Variants in FRMD4B observed in about 807,000 individuals in gnomAD.
The protein encoded by FRMD4B is FERM domain containing 4B.
Under a neutral mutation model 141.5 loss-of-function variants are expected in FRMD4B, and 74 were observed. That is an observed-to-expected ratio of 0.52 (90% confidence interval 0.43 to 0.63). The LOEUF is 0.63. Ranked by LOEUF, FRMD4B falls within the 30% of genes least tolerant of loss-of-function variation. The pLI, the probability that FRMD4B is intolerant of heterozygous loss-of-function variation, is 0.00. For synonymous variants in FRMD4B, 506 were observed against 467.9 expected (o/e 1.08, Z -1.05); for missense variants, 1,366 against 1,253.4 (o/e 1.09, Z -1.36).
At chr3:69,540,636 AATATAT>A (rs1553652110) in intron 1 of FRMD4B, among the ~76,000 whole-genome samples, 17 of 69,528 alleles carry the variant, frequency 2.4e-4, no homozygotes, top group East Asian at 4.1e-4. Context: ...AAAAAAAAAA[AATATAT>A]ATATATATAT....
Position 69,216,323 on chromosome 3 carries a change from A to T in FRMD4B, c.816T>A (p.Leu272=), listed in dbSNP as rs1403146616. Reference sequence around the variant, plus strand: ...GGCCAATTCCCTTATAGCTTATTCCAAGCCACCAAGGAAGTCCTTGCTTAT... The same window carrying T: ...GGCCAATTCCCTTATAGCTTATTCCTAGCCACCAAGGAAGTCCTTGCTTAT... The part of the protein sequence containing the change: ...VKDKQGLPWW[L]GISYKGIGQY... The change falls in exon 11 of 23, where the codon CTT becomes CTA. Residue 272 remains leucine (L), a synonymous_variant. Transcript: ENST00000398540. 1 of 1,571,528 alleles carries T rather than the reference A, an allele frequency of 6.4e-7. No individual in the cohort carries two copies.
At chr3:69,291,011 C>T (rs915641761) in intron 4 of FRMD4B, among the ~76,000 whole-genome samples, 2 of 152,180 alleles carry the variant, frequency 1.3e-5, no homozygotes, top group Non-Finnish European at 1.5e-5. Flanking sequence ...AAAATGTTAA[C>T]ATATATAGAA....
chr3:69,352,109 A>T (rs2128973), intron 1 of FRMD4B, among the ~76,000 whole-genome samples: 151,114 of 152,272 alleles, frequency 0.99, 74,995 homozygotes, highest in East Asian at 1. Flanking sequence ...CTGGGAATAT[A>T]TTAGGCCCTC....
chr3:69,520,029 A>C (rs1441393452), intron 1 of FRMD4B, among the ~76,000 whole-genome samples: 2 of 96,220 alleles, frequency 2.1e-5, no homozygotes, highest in African/African-American at 5.5e-5. Flanking sequence ...TATATATTCC[A>C]TCATATATAT....
chr3:69,266,989 C>G (rs2093565173), intron 5 of FRMD4B, among the ~76,000 whole-genome samples: 1 of 152,182 alleles, frequency 6.6e-6, no homozygotes, highest in South Asian at 2.1e-4. Context: ...GTGTTCGTGC[C>G]ATGAGAAAAT....
chr3:69,283,965 CAAAACAAAACAAAA>C (rs2093655499), intron 5 of FRMD4B, among the ~76,000 whole-genome samples: 1 of 90,518 alleles, frequency 1.1e-5, no homozygotes, highest in African/African-American at 4.1e-5. Flanking sequence ...AAAAACAAAA[CAAAACAAAACAAAA>C]AAAACAAAAA....
upstream of FRMD4B, among the ~76,000 whole-genome samples, chr3:69,389,704 C>T (rs963361372): frequency 1.3e-5 from 2 of 152,142 alleles, no homozygotes; most frequent in African/African-American, 4.8e-5. Flanking sequence ...TTCCTCCACT[C>T]CAGGGACTGC....
intron 1 of FRMD4B, among the ~76,000 whole-genome samples, chr3:69,522,306 A>T (rs533937318): frequency 6.6e-6 from 1 of 152,256 alleles, no homozygotes; most frequent in African/African-American, 2.4e-5. Context: ...GAGTCAGCCA[A>T]GCCTGGGGGT....
chr3:69,239,348 T>TACATTTTTGTCAGA (rs2093366413), intron 7 of FRMD4B, among the ~76,000 whole-genome samples: 6 of 152,256 alleles, frequency 3.9e-5, no homozygotes, highest in Admixed American at 2.6e-4. Context: ...TGGCCTAACT[T>TACATTTTTGTCAGA]GTAACAGGGG....
At chr3:69,214,816 C>T (rs1361209273) in intron 11 of FRMD4B, among the ~76,000 whole-genome samples, 1 of 152,082 alleles carries the variant, frequency 6.6e-6, no homozygotes, top group Non-Finnish European at 1.5e-5. Context: ...GACCTGTGAT[C>T]AGGCCACTGC....
intron 1 of FRMD4B, among the ~76,000 whole-genome samples, chr3:69,371,798 G>A (rs1412957639): frequency 1.3e-5 from 2 of 152,202 alleles, no homozygotes; most frequent in African/African-American, 4.8e-5. Flanking sequence ...TACAAAGTAC[G>A]CTCTGAGAGG....
chr3:69,316,136 A>G (rs1324362990), intron 1 of FRMD4B, among the ~76,000 whole-genome samples: 1 of 152,228 alleles, frequency 6.6e-6, no homozygotes, highest in Non-Finnish European at 1.5e-5. Context: ...TCTGAAAACT[A>G]GCTCAGCTGG....
chr3:69,294,023 C>T (rs908219980), intron 4 of FRMD4B, among the ~76,000 whole-genome samples: 11 of 151,600 alleles, frequency 7.3e-5, no homozygotes, highest in African/African-American at 2.7e-4. Flanking sequence ...TCAGTTTCAA[C>T]TTTTCTCCCT....
At position 69,367,798 on chromosome 3, in the gene FRMD4B, T is replaced by C. The variant is rs368443460; in HGVS notation, c.162+18030A>G. ...TTGCACGTGCGCCATTACATGAGAATGTCCTTAGGAGGATTTCCTGAAATG... is the reference window on the plus strand; with the variant it reads ...TTGCACGTGCGCCATTACATGAGAACGTCCTTAGGAGGATTTCCTGAAATG... On this transcript the variant is annotated intron_variant, in intron 1 of 22. Transcript: ENST00000398540. Among the ~76,000 whole-genome samples the C allele has an allele frequency of 3.9e-5, 6 of 152,354 alleles. No homozygotes were observed. In the East Asian group the frequency reaches 7.7e-4, roughly 20 times the overall value.
chr3:69,259,325 G>A (rs975210701), intron 5 of FRMD4B, among the ~76,000 whole-genome samples: 1 of 152,234 alleles, frequency 6.6e-6, no homozygotes, highest in Non-Finnish European at 1.5e-5. Flanking sequence ...TGTAAATACA[G>A]ATGAAGCTTC....
At chr3:69,200,499 C>T (rs1431553655) in intron 11 of FRMD4B, 6 of 994,204 alleles carry the variant, frequency 6.0e-6, no homozygotes, top group Admixed American at 5.8e-5. Flanking sequence ...ACGGCAGCTC[C>T]GGTGAGTTCT....
intron 1 of FRMD4B, among the ~76,000 whole-genome samples, chr3:69,315,523 A>G (rs1193569609): frequency 6.6e-6 from 1 of 152,174 alleles, no homozygotes; most frequent in African/African-American, 2.4e-5. Context: ...ATGTGTGTGT[A>G]TACATATTTT....
intron 5 of FRMD4B, among the ~76,000 whole-genome samples, chr3:69,257,689 T>C (rs2106830028): frequency 6.6e-6 from 1 of 151,806 alleles, no homozygotes; most frequent in African/African-American, 2.4e-5. Flanking sequence ...TGAGACAGAG[T>C]CTCTCTCTGT....
intron 1 of FRMD4B, among the ~76,000 whole-genome samples, chr3:69,524,334 C>T (rs1294298884): frequency 6.6e-6 from 1 of 152,164 alleles, no homozygotes; most frequent in Non-Finnish European, 1.5e-5. Context: ...AGATTTGTTT[C>T]TTACTCTATG....
Sources: gnomAD v4.1 joint callset for allele counts (sites outside exome capture counted in the v4.1 genomes callset) on GRCh38, gnomAD v4.1.1 for gene constraint, MANE v1.5 for transcripts, NCBI Gene and HGNC (gene_info 2026-07-23, HGNC 2026-07-21) for gene names.